The following LRRTM4 variants were observed in gnomAD, a reference collection of about 807,000 sequenced individuals.
The protein encoded by LRRTM4 is leucine-rich repeat transmembrane neuronal protein 4.
A neutral mutation model predicts 47.6 loss-of-function variants in LRRTM4; 25 were observed. The observed-to-expected ratio is 0.53, with a 90% CI of 0.38 to 0.73. The LOEUF (loss-of-function observed/expected upper bound fraction) is 0.73. Among genes scored for constraint, LRRTM4 ranks in the 30% least tolerant of loss-of-function variants. The pLI is 0.00. For synonymous variants in LRRTM4, 311 were observed against 269.5 expected (o/e 1.15, Z -1.51); for missense variants, 638 against 713.4 (o/e 0.89, Z 1.20).
intron 3 of LRRTM4, among the ~76,000 whole-genome samples, chr2:77,033,635 C>T (rs1332725687): frequency 6.6e-6 from 1 of 151,780 alleles, no homozygotes; most frequent in African/African-American, 2.4e-5. Flanking sequence ...TTATAATTCT[C>T]CATATTTGTA....
chr2:76,903,300 G>C (rs889314468), intron 3 of LRRTM4, among the ~76,000 whole-genome samples: 9 of 152,200 alleles, frequency 5.9e-5, no homozygotes, highest in African/African-American at 2.2e-4. Flanking sequence ...ACTTTGGGAG[G>C]CTGAGGAGGG....
intron 3 of LRRTM4, among the ~76,000 whole-genome samples, chr2:76,869,844 GTAATAA>G (rs1036525809): frequency 6.6e-6 from 1 of 151,952 alleles, no homozygotes; most frequent in Non-Finnish European, 1.5e-5. Context: ...ATTTAAAATA[GTAATAA>G]TAATATGTTA....
intron 3 of LRRTM4, among the ~76,000 whole-genome samples, chr2:76,761,273 A>G (rs536382859): frequency 6.6e-6 from 1 of 152,280 alleles, no homozygotes; most frequent in South Asian, 2.1e-4. Context: ...TGAGCCTCCA[A>G]CTAAACTTTC....
intron 3 of LRRTM4, among the ~76,000 whole-genome samples, chr2:77,050,131 T>C (rs1334162251): frequency 6.8e-6 from 1 of 147,320 alleles, no homozygotes; most frequent in African/African-American, 2.6e-5. Context: ...ACCAAGTCTT[T>C]TTTTTTTTTT....
chr2:77,123,867 C>A (rs991991943), intron 3 of LRRTM4, among the ~76,000 whole-genome samples: 3 of 152,072 alleles, frequency 2.0e-5, no homozygotes, highest in Non-Finnish European at 2.9e-5. Context: ...GACAGAATTC[C>A]TAGCTCATCT....
intron 3 of LRRTM4, among the ~76,000 whole-genome samples, chr2:77,299,750 G>C (rs1677078118): frequency 6.7e-6 from 1 of 150,150 alleles, no homozygotes; most frequent in Admixed American, 6.6e-5. Context: ...TTATTGAAAA[G>C]AAACACTTTC....
chr2:77,192,238 A>C (rs1321475099), intron 3 of LRRTM4, among the ~76,000 whole-genome samples: 1 of 152,124 alleles, frequency 6.6e-6, no homozygotes, highest in Non-Finnish European at 1.5e-5. Context: ...AATTTCAGCA[A>C]AATAAAGAGC....
intron 3 of LRRTM4, among the ~76,000 whole-genome samples, chr2:76,908,245 C>A (rs1573295857): frequency 6.6e-6 from 1 of 151,912 alleles, no homozygotes; most frequent in East Asian, 1.9e-4. Flanking sequence ...ACAAAAACCA[C>A]ATGATTATCT....
At chr2:77,078,590 T>A (rs756427996) in intron 3 of LRRTM4, among the ~76,000 whole-genome samples, 1 of 152,202 alleles carries the variant, frequency 6.6e-6, no homozygotes, top group Non-Finnish European at 1.5e-5. Context: ...GCTGTCATGA[T>A]TTATGGTAAA....
intron 3 of LRRTM4, among the ~76,000 whole-genome samples, chr2:76,761,661 T>G (rs1041285648): frequency 6.6e-6 from 1 of 152,198 alleles, no homozygotes; most frequent in Non-Finnish European, 1.5e-5. Context: ...CTTTGCACTA[T>G]AGGGAAGAAA....
At chr2:76,790,436 C>A (rs993164074) in intron 3 of LRRTM4, among the ~76,000 whole-genome samples, 11 of 152,162 alleles carry the variant, frequency 7.2e-5, no homozygotes, top group Non-Finnish European at 1.3e-4. Context: ...GTTGGAATCT[C>A]AGCTTCTTAC....
In LRRTM4 at chr2:77,518,346, T is replaced by C; in HGVS notation, c.1523A>G (p.Tyr508Cys). Residue 508 changes from tyrosine to cysteine, a missense_variant, in exon 3 of 4, where the codon TAT becomes TGT. Coordinates refer to ENST00000409884, the MANE Select transcript of LRRTM4 (RefSeq NM_001134745.3). ...ACATTCCCTGGAGCCAGAGATGGTA[T>C]ATGTGCAGGGCCCAGATCCATTAAC... ...ISVNGSGPCT[Y>C]TISGSRECEM... 1 of 1,611,408 alleles carries C rather than the reference T, an allele frequency of 6.2e-7. No homozygotes were observed. The highest frequency in any genetic ancestry group is 2.2e-5 in the East Asian group (1 of 44,764).
chr2:77,090,150 G>C (rs1670555115), intron 3 of LRRTM4, among the ~76,000 whole-genome samples: 1 of 152,010 alleles, frequency 6.6e-6, no homozygotes, highest in Admixed American at 6.5e-5. Context: ...CCTCACACCT[G>C]GTCTGGCTTA....
chr2:76,949,716 T>C (rs1675437257), intron 3 of LRRTM4, among the ~76,000 whole-genome samples: 1 of 152,014 alleles, frequency 6.6e-6, no homozygotes, highest in African/African-American at 2.4e-5. Flanking sequence ...TCTGTAATTA[T>C]AATTTACTCC....
At chr2:77,422,725 C>G (rs1674950859) in intron 3 of LRRTM4, among the ~76,000 whole-genome samples, 1 of 151,998 alleles carries the variant, frequency 6.6e-6, no homozygotes, top group African/African-American at 2.4e-5. Context: ...TCTCCTGTTT[C>G]TAAGACACAG....
At chr2:76,839,299 T>G (rs1257215678) in intron 3 of LRRTM4, among the ~76,000 whole-genome samples, 1 of 152,076 alleles carries the variant, frequency 6.6e-6, no homozygotes, top group East Asian at 1.9e-4. Flanking sequence ...AACACAAGAT[T>G]GCATTCACAG....
At chr2:77,201,207 T>C (rs900043937) in intron 3 of LRRTM4, among the ~76,000 whole-genome samples, 5 of 152,118 alleles carry the variant, frequency 3.3e-5, no homozygotes, top group African/African-American at 1.2e-4. Context: ...TCTTATCTGT[T>C]GGTTGATAAT....
chr2:76,856,271 C>T (rs1175623383), intron 3 of LRRTM4, among the ~76,000 whole-genome samples: 2 of 151,212 alleles, frequency 1.3e-5, no homozygotes, highest in Non-Finnish European at 2.9e-5. Flanking sequence ...AGTGAGACTT[C>T]GTCTCAGAAA....
chr2:77,434,529 C>T (rs954338319), intron 3 of LRRTM4, among the ~76,000 whole-genome samples: 1 of 151,648 alleles, frequency 6.6e-6, no homozygotes, highest in South Asian at 2.1e-4. Context: ...GAGCTGGTGG[C>T]AGAAATTAAT....
Sources: gnomAD v4.1 joint callset for allele counts (sites outside exome capture counted in the v4.1 genomes callset) on GRCh38, gnomAD v4.1.1 for gene constraint, MANE v1.5 for transcripts, NCBI Gene and HGNC (gene_info 2026-07-23, HGNC 2026-07-21) for gene names.